The following ABCG5 variants were observed in gnomAD, a reference collection of about 807,000 sequenced individuals.
ABCG5 encodes ATP binding cassette subfamily G member 5.
Under a neutral mutation model 64.5 loss-of-function variants are expected in ABCG5, and 64 were observed. The ratio of observed to expected loss-of-function variants is 0.99; its 90% CI spans 0.81 to 1.22. The LOEUF is 1.22. Ranked by LOEUF, ABCG5 falls within the 50% of genes most tolerant of loss-of-function variation. The pLI, the probability that ABCG5 is intolerant of heterozygous loss-of-function variation, is 0.00. For missense variants in ABCG5, 908 were observed against 829.5 expected, an observed-to-expected ratio of 1.09 and a Z score of -1.16; for synonymous variants, 385 against 326.3, an observed-to-expected ratio of 1.18 and a Z score of -1.94.
chr2:43,809,226 A>G (rs1666391205), downstream of ABCG5, among the ~76,000 whole-genome samples: 1 of 152,130 alleles, frequency 6.6e-6, no homozygotes, highest in African/African-American at 2.4e-5. Flanking sequence ...TCCTGGGCTC[A>G]AGCAATTCTC....
rs1169944029 is a variant in ABCG5, at chr2:43,826,479, A to G, written c.677T>C (p.Met226Thr). The G allele has an allele frequency of 6.2e-7, 1 of 1,614,196 alleles. No individual in the cohort carries two copies. The highest frequency in any genetic ancestry group is 8.5e-7 in the Non-Finnish European group (1 of 1,180,040). The change falls in exon 6 of 13, where the codon ATG becomes ACG. Residue 226 changes from methionine (M) to threonine (T), a missense_variant. Physicochemically the swap from Met to Thr is moderately conservative, Grantham distance 81 (BLOSUM62 -1). Coordinates refer to ENST00000405322, the MANE Select transcript of ABCG5 (RefSeq NM_022436.3). ...FDEPTTGLDCMTANQIVVLLV... is the reference protein window; with the variant it reads ...FDEPTTGLDCTTANQIVVLLV... ...GAGGACGACAATCTGATTAGCAGTC[A>G]TGCAGTCCAGGCCTGTGGTTGGCTC...
intron 2 of ABCG5, among the ~76,000 whole-genome samples, chr2:43,835,817 C>T (rs1481682234): frequency 6.6e-6 from 1 of 152,116 alleles, no homozygotes; most frequent in Non-Finnish European, 1.5e-5. Flanking sequence ...CTGTTGACCC[C>T]CTTGATCTCG....
chr2:43,828,086 C>G lies in ABCG5; in HGVS notation c.531G>C (p.Leu177=). ...CAATCAGTCGGTCTGCCACATGGCT[C>G]AGACTCAGCTCTGCCATGACGGCCT... ...KVEAVMAELS[L]SHVADRLIGN... Residue 177 remains leucine, a synonymous_variant, in exon 5 of 13, where the codon CTG becomes CTC. Transcript: ENST00000405322. 6.2e-7 allele frequency: 1 copy of G among 1,614,086 alleles called. No individual in the cohort carries two copies. Among genetic ancestry groups the G allele is most frequent in the East Asian group, 2.2e-5 (1 of 44,870 alleles).
At chr2:43,839,096 GC>G, upstream of ABCG5, 5 of 1,551,318 alleles carry the variant, frequency 3.2e-6, no homozygotes, top group Non-Finnish European at 4.4e-6. Context: ...GCCGAAAGGG[GC>G]CACTCCCCAG....
Position 43,823,892 on chromosome 2 carries a change from C to A in ABCG5, c.1324+21G>T, listed in dbSNP as rs369261220. ...GGTATTTAGGGAGAAAGAGGTGCACCTCCAGCACGTGGGCACTTACACAGA... is the reference window on the plus strand; with the variant it reads ...GGTATTTAGGGAGAAAGAGGTGCACATCCAGCACGTGGGCACTTACACAGA... On this transcript the variant is annotated intron_variant, in intron 9 of 12. Coordinates refer to ENST00000405322, the MANE Select transcript of ABCG5 (RefSeq NM_022436.3). 108 of 1,612,464 alleles carry A rather than the reference C, an allele frequency of 6.7e-5. No homozygotes were observed. In the Middle Eastern group the frequency reaches 8.5e-4, roughly 13 times the overall value.
chr2:43,817,266 C>T (rs1480121459), intron 11 of ABCG5, among the ~76,000 whole-genome samples: 1 of 152,186 alleles, frequency 6.6e-6, no homozygotes, highest in Admixed American at 6.5e-5. Context: ...AGGGAAATCA[C>T]TTGAAGTCAG....
chr2:43,822,986 A>C, intron 9 of ABCG5, 51 bp from the exon 10 acceptor site: 1 of 1,606,970 alleles, frequency 6.2e-7, no homozygotes. Flanking sequence ...CCAGCTGAAA[A>C]AGGGAGGGCT....
downstream of ABCG5, chr2:43,809,807 A>G (rs561404332): frequency 6.4e-7 from 1 of 1,570,946 alleles, no homozygotes; most frequent in East Asian, 2.3e-5. Flanking sequence ...TTCTTTTCCA[A>G]ATACAAATAA....
At chr2:43,831,555 C>G (rs1667947062) in intron 4 of ABCG5, among the ~76,000 whole-genome samples, 1 of 152,176 alleles carries the variant, frequency 6.6e-6, no homozygotes, top group Non-Finnish European at 1.5e-5. Context: ...GCGCTCAGAG[C>G]ACGTTTCAGT....
intron 10 of ABCG5, among the ~76,000 whole-genome samples, chr2:43,821,638 C>T (rs576476164): frequency 3.0e-4 from 46 of 152,272 alleles, no homozygotes; most frequent in Admixed American, 7.8e-4. Context: ...TGCCTATTGC[C>T]GCACTAACTG....
chr2:43,810,473 G>A (rs533121987), downstream of ABCG5: 1 of 985,404 alleles, frequency 1.0e-6, no homozygotes, highest in Non-Finnish European at 1.2e-6. Context: ...TAGCCTTTAA[G>A]AAGCCATTCC....
chr2:43,819,792 A>G, intron 11 of ABCG5, 123 bp downstream of exon 11: 1 of 1,049,850 alleles, frequency 9.5e-7, no homozygotes, highest in Non-Finnish European at 1.5e-6. Context: ...TAAATGCTCT[A>G]GACTATAAGG....
At chr2:43,807,735 T>A (rs1666316730), downstream of ABCG5, among the ~76,000 whole-genome samples, 1 of 140,472 alleles carries the variant, frequency 7.1e-6, no homozygotes, top group Admixed American at 7.3e-5. Flanking sequence ...CTATTATTTT[T>A]GTTAAAGCAA....
chr2:43,813,527 A>T (rs1177020787), intron 12 of ABCG5, among the ~76,000 whole-genome samples: 2 of 152,070 alleles, frequency 1.3e-5, no homozygotes, highest in African/African-American at 4.8e-5. Context: ...GTATAGATTC[A>T]TTACCATATT....
At chr2:43,811,350 C>T (rs1162506064), downstream of ABCG5, among the ~76,000 whole-genome samples, 1 of 152,160 alleles carries the variant, frequency 6.6e-6, no homozygotes, top group Non-Finnish European at 1.5e-5. Context: ...AAATACTGTT[C>T]TAAGAAATAG....
the ABCG5 span, among the ~76,000 whole-genome samples, chr2:43,806,728 G>C: frequency 0.012 from 1,879 of 152,180 alleles, 47 homozygotes; most frequent in African/African-American, 0.042. Flanking sequence ...GGGTATTTGT[G>C]AGCATCATGA....
rs1667611878 is a variant in ABCG5, at chr2:43,826,477, T to C, written c.679A>G (p.Thr227Ala). ...DEPTTGLDCMTANQIVVLLVE... is the reference protein window; with the variant it reads ...DEPTTGLDCMAANQIVVLLVE... ...AGGAGGACGACAATCTGATTAGCAGTCATGCAGTCCAGGCCTGTGGTTGGC... is the reference window on the plus strand; with the variant it reads ...AGGAGGACGACAATCTGATTAGCAGCCATGCAGTCCAGGCCTGTGGTTGGC... The change falls in exon 6 of 13, where the codon ACT (threonine) becomes GCT (alanine). Residue 227 changes from threonine to alanine, a missense_variant. By Grantham distance (58) the Thr-to-Ala change is moderately conservative. Transcript: ENST00000405322. The C allele has an allele frequency of 6.2e-7, 1 of 1,614,024 alleles. No homozygotes were observed. Among genetic ancestry groups the C allele is most frequent in the South Asian group, 1.1e-5 (1 of 91,084 alleles).
downstream of ABCG5, among the ~76,000 whole-genome samples, chr2:43,812,042 A>G (rs533395151): frequency 6.6e-6 from 1 of 151,760 alleles, no homozygotes; most frequent in Admixed American, 6.6e-5. Flanking sequence ...ATATGTCAGC[A>G]CTTTTTTTCT....
intron 4 of ABCG5, among the ~76,000 whole-genome samples, chr2:43,831,318 G>T (rs953762944): frequency 6.6e-6 from 1 of 152,004 alleles, no homozygotes; most frequent in African/African-American, 2.4e-5. Flanking sequence ...GAGTGCAGGC[G>T]CACATCACCA....
Sources: gnomAD v4.1 joint callset for allele counts (sites outside exome capture counted in the v4.1 genomes callset) on GRCh38, gnomAD v4.1.1 for gene constraint, MANE v1.5 for transcripts, NCBI Gene and HGNC (gene_info 2026-07-23, HGNC 2026-07-21) for gene names.